Variants in LSP1 observed in about 807,000 individuals in gnomAD.
The protein encoded by LSP1 is lymphocyte specific protein 1, also known as lymphocyte-specific protein 1.
Under a neutral mutation model 49.3 loss-of-function variants are expected in LSP1, and 32 were observed. The ratio of observed to expected loss-of-function variants is 0.65; its 90% CI spans 0.49 to 0.87. The LOEUF is 0.87. Among genes scored for constraint, LSP1 ranks in the 40% least tolerant of loss-of-function variants. The pLI, the probability that LSP1 is intolerant of heterozygous loss-of-function variation, is 0.00. For synonymous variants in LSP1, 179 were observed against 178.8 expected, an observed-to-expected ratio of 1.00 and a Z score of -0.01; for missense variants, 428 against 442.6, an observed-to-expected ratio of 0.97 and a Z score of 0.30.
rs1565079374 is a variant in LSP1, at chr11:1,873,968, C to CA, written c.54-6119_54-6118insA. Reference sequence around the variant, plus strand: ...GAGGCCGGCAGAGCAGGGAGCCCGGCGGAGGAGGGAGGCCGGCGGAGGAGG... The same window carrying CA: ...GAGGCCGGCAGAGCAGGGAGCCCGGCAGGAGGAGGGAGGCCGGCGGAGGAGG... On this transcript the variant is annotated intron_variant, in intron 1 of 10. Coordinates refer to ENST00000311604, the MANE Select transcript of LSP1 (RefSeq NM_002339.3). 7.2e-3 allele frequency among the ~76,000 whole-genome samples: 881 copies of CA among 122,948 alleles called. 87 individuals are homozygous for CA. Among genetic ancestry groups the CA allele is most frequent in the Middle Eastern group, 0.013 (2 of 152 alleles). 80.7% of individuals were successfully genotyped at this position (122,948 alleles called of 152,430 possible).
At chr11:1,888,866 C>T (rs1359557855) in intron 10 of LSP1, 1 of 385,664 alleles carries the variant, frequency 2.6e-6, no homozygotes, top group Non-Finnish European at 4.6e-6. Context: ...ATCCCAAGGC[C>T]CCCATCCTAC....
At position 1,874,512 on chromosome 11, in the gene LSP1, G is replaced by A. The variant is rs150217340; in HGVS notation, c.54-5575G>A. Among the ~76,000 whole-genome samples the A allele has an allele frequency of 1.1e-3, 171 of 152,278 alleles. 3 individuals are homozygous for A. The East Asian group carries it at 0.028, about 25-fold the overall frequency. On this transcript the variant is annotated intron_variant, in intron 1 of 10. Transcript: ENST00000311604. The stretch of plus-strand genomic sequence containing the variant: ...GTGGGCTCTGGACCCAGCAGGCCCG[G>A]CACCCAGGCCAGGGCTCCAGGGGAG...
chr11:1,877,007 A>G (rs1355104962), intron 1 of LSP1, among the ~76,000 whole-genome samples: 2 of 152,208 alleles, frequency 1.3e-5, no homozygotes, highest in Non-Finnish European at 2.9e-5. Context: ...GAACAGACAC[A>G]GGAAATCGCC....
intron 10 of LSP1, chr11:1,890,118 G>A (rs769076217): frequency 8.4e-6 from 6 of 716,946 alleles, no homozygotes; most frequent in East Asian, 5.4e-5. Context: ...TTCTGGGGCC[G>A]AGGCTACAAC....
chr11:1,866,920 G>C, intron 1 of LSP1: 1 of 1,500,120 alleles, frequency 6.7e-7, no homozygotes, highest in Non-Finnish European at 8.9e-7. Context: ...AGGTGAGCAA[G>C]CCGCACTCAG....
At chr11:1,861,520 G>T (rs988698002) in intron 1 of LSP1, among the ~76,000 whole-genome samples, 4 of 150,744 alleles carry the variant, frequency 2.7e-5, no homozygotes, top group African/African-American at 9.8e-5. Flanking sequence ...GGATGGATGG[G>T]TGGATGGATA....
In LSP1 at chr11:1,881,342, G is replaced by A. The variant is rs1240382647; in HGVS notation, c.192-90G>A. The A allele has an allele frequency of 2.3e-6, 3 of 1,305,490 alleles. No individual in the cohort carries two copies. The East Asian group carries it at 8.1e-5, about 35-fold the overall frequency. The allele number at this position is 1,305,490 out of a possible 1,614,324, so 80.9% of individuals were successfully genotyped here. ...CAGGGTCTCCCACACTTGGAGTCCA[G>A]GGCCTGAGCGGGCGCCGTGAGGTGA... On this transcript the variant is annotated intron_variant, in intron 2 of 10. Coordinates refer to ENST00000311604, the MANE Select transcript of LSP1 (RefSeq NM_002339.3).
At chr11:1,867,399 C>T (rs1184487936) in intron 1 of LSP1, among the ~76,000 whole-genome samples, 3 of 149,070 alleles carry the variant, frequency 2.0e-5, no homozygotes, top group East Asian at 2.0e-4. Context: ...CAGTACTGCG[C>T]TCACCACCAC....
rs150432651 is a variant in LSP1, at chr11:1,883,945, A to G, written c.512A>G (p.Gln171Arg). ...EEEQEEHQKC[Q>R]QPRTPSPLVL... ...TTTTTTTTCTAGCACCAGAAATGTC[A>G]GCAGCCCAGGACACCCAGCCCCTTG... is the stretch of plus-strand genomic sequence containing the variant. Residue 171 changes from glutamine to arginine, a missense_variant, in exon 5 of 11, where the codon CAG (glutamine) becomes CGG (arginine). Gln to Arg is a conservative substitution (Grantham distance 43). Coordinates refer to ENST00000311604, the MANE Select transcript of LSP1 (RefSeq NM_002339.3). The G allele has an allele frequency of 5.3e-5, 85 of 1,607,138 alleles. No individual in the cohort carries two copies. In the African/African-American group the frequency reaches 1.0e-3, roughly 20 times the overall value.
chr11:1,866,503 G>C, intron 1 of LSP1: 1 of 1,501,126 alleles, frequency 6.7e-7, no homozygotes, highest in African/African-American at 1.4e-5. Flanking sequence ...CCACCTGGCA[G>C]GGTCTCCGGC....
chr11:1,875,376 G>A lies in LSP1; in HGVS notation c.54-4711G>A, dbSNP rs543092519. Among the ~76,000 whole-genome samples, 211 of 152,306 alleles carry A rather than the reference G, an allele frequency of 1.4e-3. 1 individual carries two copies. Among genetic ancestry groups the A allele is most frequent in the Middle Eastern group, 3.4e-3 (1 of 294 alleles). On this transcript the variant is annotated intron_variant, in intron 1 of 10. Coordinates refer to ENST00000311604, the MANE Select transcript of LSP1 (RefSeq NM_002339.3). ...CCTAACAGGAGGCGGGGGACCCAGC[G>A]CGTGCAGAGAGGGTCCCAGTGCTTC... is the stretch of plus-strand genomic sequence containing the variant.
At position 1,880,105 on chromosome 11, in the gene LSP1, C is replaced by T. The variant is rs368052660; in HGVS notation, c.72C>T (p.Ser24=). The change falls in exon 2 of 11, where the codon AGC becomes AGT. Residue 24 remains serine (S), a synonymous_variant. Coordinates refer to ENST00000311604, the MANE Select transcript of LSP1 (RefSeq NM_002339.3). ...EELLGPTAQW[S]VEDEEEAVHE... ...CCACTAGGCCCACTGCTCAGTGGAG[C>T]GTGGAGGACGAGGAGGAGGCCGTCC... 6.6e-5 allele frequency: 107 copies of T among 1,609,470 alleles called. No homozygotes were observed. The highest frequency in any genetic ancestry group is 3.7e-4 in the Admixed American group (22 of 59,508).
chr11:1,859,717 C>A (rs997348909), intron 1 of LSP1, among the ~76,000 whole-genome samples: 73 of 149,800 alleles, frequency 4.9e-4, no homozygotes, highest in African/African-American at 1.7e-3. Context: ...AGCCCCCAGC[C>A]CCCAGCACCC....
chr11:1,853,540 C>T lies in LSP1; in HGVS notation c.53+343C>T, dbSNP rs985074740. 1.1e-4 allele frequency among the ~76,000 whole-genome samples: 16 copies of T among 152,144 alleles called. 1 individual carries two copies. Among genetic ancestry groups the T allele is most frequent in the Admixed American group, 7.9e-4 (12 of 15,280 alleles). On this transcript the variant is annotated intron_variant, in intron 1 of 10. Transcript: ENST00000311604. ...CCAGGGAGGAGCTGGGGACTGTGGG[C>T]CCTGTTAGCTTGGGAAGAGGCAAGG...
At chr11:1,867,243 G>A (rs2133071432) in intron 1 of LSP1, among the ~76,000 whole-genome samples, 1 of 152,262 alleles carries the variant, frequency 6.6e-6, no homozygotes, top group East Asian at 1.9e-4. Flanking sequence ...CAGCTAAGGG[G>A]AGCCACCAAG....
chr11:1,869,749 C>A, intron 1 of LSP1: 1 of 470,322 alleles, frequency 2.1e-6, no homozygotes, highest in Non-Finnish European at 4.4e-6. Flanking sequence ...GGCGAGCTTG[C>A]CAAGGAGAGG....
At chr11:1,868,798 C>T (rs1002808445) in intron 1 of LSP1, 8 of 985,648 alleles carry the variant, frequency 8.1e-6, no homozygotes, top group African/African-American at 3.5e-5. Context: ...GCCCAGAGGA[C>T]GGCGGTTCAG....
intron 1 of LSP1, among the ~76,000 whole-genome samples, chr11:1,869,437 A>G (rs1469862570): frequency 6.6e-6 from 1 of 151,986 alleles, no homozygotes; most frequent in Non-Finnish European, 1.5e-5. Flanking sequence ...GGCTGCCTTG[A>G]AGGAGGAGGG....
At chr11:1,875,746 C>G (rs1357584816) in intron 1 of LSP1, among the ~76,000 whole-genome samples, 2 of 152,178 alleles carry the variant, frequency 1.3e-5, no homozygotes, top group East Asian at 3.9e-4. Context: ...TGGGCCAGCA[C>G]CAGGCGTTGG....
Sources: gnomAD v4.1 joint callset for allele counts (sites outside exome capture counted in the v4.1 genomes callset) on GRCh38, gnomAD v4.1.1 for gene constraint, MANE v1.5 for transcripts, NCBI Gene and HGNC (gene_info 2026-07-23, HGNC 2026-07-21) for gene names.